Variants in MPST observed in about 807,000 individuals in gnomAD.
MPST encodes the protein mercaptopyruvate sulfurtransferase, also known as 3-mercaptopyruvate sulfurtransferase.
MPST carries 27 observed loss-of-function variants against 28.5 expected under a neutral mutation model. The observed-to-expected ratio is 0.95, with a 90% CI of 0.70 to 1.31. The LOEUF is 1.31. MPST is among the 50% of genes most tolerant of loss of function. The pLI, the probability that MPST is intolerant of heterozygous loss-of-function variation, is 0.00. For missense variants in MPST, 492 were observed against 471.1 expected, an observed-to-expected ratio of 1.04 and a Z score of -0.41; for synonymous variants, 204 against 209.3, an observed-to-expected ratio of 0.97 and a Z score of 0.22.
In MPST at chr22:37,019,942, C is replaced by G. The variant is rs1922934961; in HGVS notation, c.36+70C>G. The G allele has an allele frequency of 1.2e-5, 9 of 731,074 alleles. No individual in the cohort carries two copies. In the East Asian group the frequency reaches 1.8e-4, roughly 14 times the overall value. 45.3% of individuals were successfully genotyped at this position (731,074 alleles called of 1,614,324 possible). A position where few individuals can be genotyped will look rare whatever the true frequency, so the allele number is the denominator to read the frequency against. ...AGTGGCTCTTTGGGGGTGCTCGGCG[C>G]GGGGCTCCCGCGCGGGACCTGGGCG... On this transcript the variant is annotated intron_variant, in intron 1 of 2. Coordinates refer to ENST00000429360, the MANE Select transcript of MPST (RefSeq NM_021126.8).
At chr22:37,025,027 A>T (rs751211529) in intron 2 of MPST, 15 of 1,484,688 alleles carry the variant, frequency 1.0e-5, no homozygotes, top group Admixed American at 4.0e-5. Context: ...CCCAGGCTGG[A>T]GTGCAGTGGC....
chr22:37,029,771 C>A lies in MPST; in HGVS notation c.*257C>A. 1.8e-6 allele frequency: 1 copy of A among 546,270 alleles called. No individual in the cohort carries two copies. The allele number at this position is 546,270 out of a possible 1,614,324, so 33.8% of individuals were successfully genotyped here. On this transcript the variant is annotated 3_prime_UTR_variant, in exon 3 of 3. Coordinates refer to ENST00000429360, the MANE Select transcript of MPST (RefSeq NM_021126.8). ...CTGGTGCTGAGCTGGGGCCCCGCCT[C>A]CTTTCTGTTTTATTTTTGAGGAAAT...
Position 37,019,808 on chromosome 22 carries a change from C to T in MPST, c.-29C>T, listed in dbSNP as rs1601451896. 2 of 1,143,620 alleles carry T rather than the reference C, an allele frequency of 1.7e-6. No homozygotes were observed. The highest frequency in any genetic ancestry group is 3.2e-5 in the East Asian group (1 of 31,220). 70.8% of individuals were successfully genotyped at this position (1,143,620 alleles called of 1,614,324 possible). The stretch of plus-strand genomic sequence containing the variant: ...CGGGAGGAGGGGACAGCTGCGGGCG[C>T]GGGGAGGGGGCGCCGCGCCGCGGGG... On this transcript the variant is annotated 5_prime_UTR_variant, in exon 1 of 3. Coordinates refer to ENST00000429360, the MANE Select transcript of MPST (RefSeq NM_021126.8).
At position 37,024,794 on chromosome 22, in the gene MPST, G is replaced by A. The variant is rs760423277; in HGVS notation, c.639G>A (p.Glu213=). Residue 213 remains glutamate (E), a synonymous_variant, in exon 2 of 3, where the codon GAG becomes GAA. Coordinates refer to ENST00000429360, the MANE Select transcript of MPST (RefSeq NM_021126.8). ...SRATGRFRGT[E]PEPRDGIEPG... ...CCACTGGCAGGTTCCGCGGCACCGAGCCCGAGCCCCGAGACGGTAACGCGG... is the reference window on the plus strand; with the variant it reads ...CCACTGGCAGGTTCCGCGGCACCGAACCCGAGCCCCGAGACGGTAACGCGG... The A allele has an allele frequency of 6.2e-7, 1 of 1,603,016 alleles. No individual in the cohort carries two copies. Among genetic ancestry groups the A allele is most frequent in the Non-Finnish European group, 8.5e-7 (1 of 1,179,484 alleles).
intron 2 of MPST, chr22:37,025,745 C>G (rs1250212905): frequency 6.5e-6 from 1 of 152,724 alleles, no homozygotes; most frequent in African/African-American, 2.4e-5. Context: ...CAACCAGGAA[C>G]TCCCCAGCCC....
intron 1 of MPST, 48 bp downstream of exon 1, chr22:37,019,920 G>T: frequency 1.0e-6 from 1 of 1,001,192 alleles, no homozygotes. Flanking sequence ...GGGAGGGAGT[G>T]GCTCTTTGGG....
At chr22:37,019,909 G>A in intron 1 of MPST, 37 bp downstream of exon 1, 1 of 1,127,798 alleles carries the variant, frequency 8.9e-7, no homozygotes, top group Non-Finnish European at 1.1e-6. Flanking sequence ...CTTTCTGGAG[G>A]GGGAGGGAGT....
At chr22:37,024,006 C>A in intron 1 of MPST, 186 bp from the exon 2 acceptor site, 1 of 1,358,912 alleles carries the variant, frequency 7.4e-7, no homozygotes, top group Non-Finnish European at 9.7e-7. Flanking sequence ...TGAGGCCTGG[C>A]AGAGGGAGGC....
chr22:37,027,090 T>TTTG (rs1923578151), intron 2 of MPST: 1 of 152,258 alleles, frequency 6.6e-6, no homozygotes, highest in Non-Finnish European at 1.5e-5. Flanking sequence ...GTAGCTGGGA[T>TTTG]TACAGGCATG....
chr22:37,024,486 G>C lies in MPST; in HGVS notation c.331G>C (p.Val111Leu). The change falls in exon 2 of 3, where the codon GTG becomes CTG. Residue 111 changes from valine (V) to leucine (L), a missense_variant. Val to Leu is a conservative substitution (Grantham distance 32, BLOSUM62 1). Transcript: ENST00000429360. The part of the protein sequence containing the change: ...HFAEYAGRLG[V>L]GAATHVVIYD... ...CGCGGAGTACGCAGGCCGCCTGGGC[G>C]TGGGCGCGGCCACCCACGTCGTGAT... 1.3e-6 allele frequency: 2 copies of C among 1,559,000 alleles called. No individual in the cohort carries two copies. Among genetic ancestry groups the C allele is most frequent in the Non-Finnish European group, 1.7e-6 (2 of 1,154,906 alleles).
In MPST at chr22:37,029,209, G is replaced by GC. The variant is rs1923722661; in HGVS notation, c.656-6dup. 1 of 1,612,550 alleles carries GC rather than the reference G, an allele frequency of 6.2e-7. No homozygotes were observed. Among genetic ancestry groups the GC allele is most frequent in the Admixed American group, 1.7e-5 (1 of 59,908 alleles). On this transcript the variant is annotated splice_polypyrimidine_tract_variant and splice_region_variant and intron_variant, in intron 2 of 2. Transcript: ENST00000429360. ...TTTGTCCCCTCCTCCCTGCTCCCCTGCTGTAGGCATTGAACCTGGCCACAT... is the reference window on the plus strand; with the variant it reads ...TTTGTCCCCTCCTCCCTGCTCCCCTGCCTGTAGGCATTGAACCTGGCCACAT...
intron 2 of MPST, chr22:37,025,671 A>AG (rs1923470410): frequency 2.0e-5 from 3 of 153,252 alleles, no homozygotes. Context: ...ACCTGGCCCA[A>AG]GGTCTCAAGA....
At chr22:37,024,931 T>A (rs1260373935) in intron 2 of MPST, 121 bp downstream of exon 2, 1 of 1,537,784 alleles carries the variant, frequency 6.5e-7, no homozygotes, top group African/African-American at 1.4e-5. Flanking sequence ...TCCTTTCCTT[T>A]TTTCTTTCCT....
At position 37,024,544 on chromosome 22, in the gene MPST, C is replaced by T; in HGVS notation, c.389C>T (p.Ala130Val). ...GCCAGCGACCAGGGCCTCTACTCCG[C>T]CCCGCGCGTCTGGTGGATGTTCCGC... Reference protein sequence around the residue: ...YDASDQGLYSAPRVWWMFRAF... With the variant: ...YDASDQGLYSVPRVWWMFRAF... The change falls in exon 2 of 3, where the codon GCC (alanine) becomes GTC (valine). Residue 130 changes from alanine (A) to valine (V), a missense_variant. Ala to Val is a moderately conservative substitution (Grantham distance 64, BLOSUM62 0). Transcript: ENST00000429360. 1.9e-6 allele frequency: 3 copies of T among 1,571,922 alleles called. No homozygotes were observed. The highest frequency in any genetic ancestry group is 2.6e-6 in the Non-Finnish European group (3 of 1,164,844).
intron 1 of MPST, 78 bp from the exon 2 acceptor site, chr22:37,024,114 G>T: frequency 7.6e-7 from 1 of 1,321,008 alleles, no homozygotes; most frequent in Non-Finnish European, 9.7e-7. Flanking sequence ...GCCGGCCCTC[G>T]CCCATGCTCC....
chr22:37,023,748 T>G, intron 1 of MPST: 1 of 1,138,594 alleles, frequency 8.8e-7, no homozygotes, highest in Admixed American at 4.6e-5. Flanking sequence ...ACTGTTCCTA[T>G]TAGGTCGCCA....
intron 2 of MPST, chr22:37,025,020 A>C (rs1489886996): frequency 2.7e-6 from 4 of 1,487,602 alleles, no homozygotes; most frequent in Non-Finnish European, 3.7e-6. Context: ...TCTACCGCCC[A>C]GGCTGGAGTG....
chr22:37,025,248 C>G, intron 2 of MPST: 2 of 1,021,612 alleles, frequency 2.0e-6, no homozygotes, highest in Non-Finnish European at 2.5e-6. Context: ...ATTGGGAACC[C>G]TGGTTGCCCA....
At position 37,029,471 on chromosome 22, in the gene MPST, G is replaced by A. The variant is rs887219475; in HGVS notation, c.911G>A (p.Arg304Gln). The A allele has an allele frequency of 8.7e-6, 14 of 1,611,026 alleles. No individual in the cohort carries two copies. Among genetic ancestry groups the A allele is most frequent in the African/African-American group, 5.3e-5 (4 of 74,894 alleles). Residue 304 changes from arginine to glutamine, a missense_variant, in exon 3 of 3, where the codon CGG (arginine) becomes CAG (glutamine). Physicochemically the swap from Arg to Gln is conservative, Grantham distance 43 (BLOSUM62 1). Transcript: ENST00000429360. The part of the protein sequence containing the change: ...GSWVEWYMRA[R>Q]PEDVISEGRG... The stretch of plus-strand genomic sequence containing the variant: ...TGGGTGGAGTGGTACATGCGCGCCC[G>A]GCCCGAGGATGTCATCTCAGAGGGC...
Sources: gnomAD v4.1 joint callset for allele counts on GRCh38, gnomAD v4.1.1 for gene constraint, MANE v1.5 for transcripts, NCBI Gene and HGNC (gene_info 2026-07-23, HGNC 2026-07-21) for gene names.